Variants in BCR observed in about 807,000 individuals in gnomAD.
BCR encodes the protein breakpoint cluster region protein.
Under a neutral mutation model 138.6 loss-of-function variants are expected in BCR, and 58 were observed. That is an observed-to-expected ratio of 0.42 (90% CI 0.34 to 0.52). The LOEUF is 0.52. Among genes scored for constraint, BCR ranks in the 20% least tolerant of loss-of-function variants. The pLI is 0.06. For synonymous variants in BCR, 786 were observed against 730.1 expected (o/e 1.08, Z -1.23); for missense variants, 1,599 against 1,727.2 (o/e 0.93, Z 1.32).
At chr22:23,308,452 C>T (rs1568985374) in intron 16 of BCR, among the ~76,000 whole-genome samples, 1 of 152,118 alleles carries the variant, frequency 6.6e-6, no homozygotes, top group Non-Finnish European at 1.5e-5. Context: ...ACTACAGACG[C>T]CCACCACCAC....
chr22:23,206,033 A>C (rs771147037), intron 1 of BCR, among the ~76,000 whole-genome samples: 2 of 152,208 alleles, frequency 1.3e-5, no homozygotes, highest in Non-Finnish European at 2.9e-5. Context: ...GTAGTCTTCC[A>C]AACCCCATGA....
intron 16 of BCR, among the ~76,000 whole-genome samples, chr22:23,304,320 A>G (rs1055806484): frequency 6.6e-6 from 1 of 151,978 alleles, no homozygotes; most frequent in Admixed American, 6.6e-5. Context: ...TTCACATTTC[A>G]TAAACGTGGA....
At chr22:23,303,531 G>T (rs4822379) in intron 16 of BCR, among the ~76,000 whole-genome samples, 11,935 of 152,348 alleles carry the variant, frequency 0.078, 599 homozygotes, top group African/African-American at 0.13. Context: ...ACCAATAGGA[G>T]AGAAACTTAT....
chr22:23,198,816 T>A (rs113359675), intron 1 of BCR, among the ~76,000 whole-genome samples: 1 of 152,142 alleles, frequency 6.6e-6, no homozygotes, highest in South Asian at 2.1e-4. Context: ...GGTGAGGTAC[T>A]GTTAGAATTT....
chr22:23,236,106 C>A (rs1285524702), intron 1 of BCR, among the ~76,000 whole-genome samples: 1 of 152,206 alleles, frequency 6.6e-6, no homozygotes, highest in African/African-American at 2.4e-5. Flanking sequence ...TGGCTGGAGG[C>A]CTGGCTTGTT....
At chr22:23,313,857 T>C in intron 20 of BCR, 111 bp from the exon 21 acceptor site, 2 of 889,968 alleles carry the variant, frequency 2.2e-6, no homozygotes, top group Non-Finnish European at 3.8e-6. Context: ...CTGAGGATGA[T>C]GACGAGCCTG....
intron 8 of BCR, among the ~76,000 whole-genome samples, chr22:23,280,625 G>A (rs2073632814): frequency 6.6e-6 from 1 of 152,242 alleles, no homozygotes; most frequent in Non-Finnish European, 1.5e-5. Context: ...TCCAAGAAAT[G>A]GAGGAGCATA....
chr22:23,195,337 T>C (rs907762762), intron 1 of BCR, among the ~76,000 whole-genome samples: 2 of 149,876 alleles, frequency 1.3e-5, no homozygotes, highest in Non-Finnish European at 3.0e-5. Context: ...GGAAAATCGC[T>C]TGAACTCAGG....
intron 8 of BCR, among the ~76,000 whole-genome samples, chr22:23,278,493 G>A (rs949978106): frequency 1.3e-5 from 2 of 152,174 alleles, no homozygotes; most frequent in African/African-American, 4.8e-5. Context: ...TTGGGAGGCC[G>A]AGGCGGGTGG....
chr22:23,238,870 G>C (rs1221439868), intron 1 of BCR, among the ~76,000 whole-genome samples: 1 of 150,676 alleles, frequency 6.6e-6, no homozygotes, highest in Non-Finnish European at 1.5e-5. Context: ...CAGCTTGCAA[G>C]GGGGGTGGGG....
chr22:23,247,557 C>T (rs2073170432), intron 1 of BCR, among the ~76,000 whole-genome samples: 1 of 152,172 alleles, frequency 6.6e-6, no homozygotes, highest in Admixed American at 6.5e-5. Flanking sequence ...CACCCTGGGG[C>T]ACATTGGCAG....
chr22:23,263,850 G>A, intron 4 of BCR: 3 of 1,035,174 alleles, frequency 2.9e-6, no homozygotes, highest in Non-Finnish European at 4.6e-6. Context: ...CATCCAGACT[G>A]AAGACCAAAT....
chr22:23,184,551 C>T (rs2072314993), intron 1 of BCR, among the ~76,000 whole-genome samples: 1 of 152,160 alleles, frequency 6.6e-6, no homozygotes, highest in Non-Finnish European at 1.5e-5. Flanking sequence ...CTCCCTACCC[C>T]TACACCCCCA....
chr22:23,222,946 G>T (rs1268685254), intron 1 of BCR, among the ~76,000 whole-genome samples: 1 of 152,170 alleles, frequency 6.6e-6, no homozygotes, highest in Non-Finnish European at 1.5e-5. Flanking sequence ...TGAGATCAAG[G>T]CACCTACAGA....
At chr22:23,201,455 T>TTTTTTTG (rs59427905) in intron 1 of BCR, among the ~76,000 whole-genome samples, 70,898 of 151,618 alleles carry the variant, frequency 0.47, 19,062 homozygotes, top group East Asian at 0.91. Flanking sequence ...GTGAATCTGG[T>TTTTTTTG]TTTTTTGTTT....
intron 1 of BCR, among the ~76,000 whole-genome samples, chr22:23,206,372 G>T (rs758463345): frequency 6.6e-6 from 1 of 151,976 alleles, no homozygotes; most frequent in Non-Finnish European, 1.5e-5. Context: ...CAGGAGATCG[G>T]GACCATCCTG....
chr22:23,233,857 G>T (rs1271467104), intron 1 of BCR, among the ~76,000 whole-genome samples: 3 of 151,758 alleles, frequency 2.0e-5, no homozygotes. Context: ...GCCCAGGGAG[G>T]CGTGCCAGCC....
chr22:23,208,770 G>A (rs932428060), intron 1 of BCR, among the ~76,000 whole-genome samples: 5 of 152,102 alleles, frequency 3.3e-5, no homozygotes, highest in Non-Finnish European at 7.3e-5. Flanking sequence ...CAGGAGAATC[G>A]CTTGAACCCG....
rs758601281 is a variant in BCR at position 23,293,002 on chromosome 22, G to A, written c.2880+364G>A. On this transcript the variant is annotated intron_variant, in intron 15 of 22. Transcript: ENST00000305877. ...AGCTCCCGTGACCCTCTTGGCTTCC[G>A]GAAGCCTGGGGCTCTGCTGGTGGGG... Among the ~76,000 whole-genome samples, 10 of 152,174 alleles carry A rather than the reference G, an allele frequency of 6.6e-5. No homozygotes were observed. In the East Asian group the frequency reaches 9.7e-4, roughly 15 times the overall value.
Sources: gnomAD v4.1 joint callset for allele counts (sites outside exome capture counted in the v4.1 genomes callset) on GRCh38, gnomAD v4.1.1 for gene constraint, MANE v1.5 for transcripts, NCBI Gene and HGNC (gene_info 2026-07-23, HGNC 2026-07-21) for gene names.